The following HERC2 variants were observed in gnomAD, a reference collection of about 807,000 sequenced individuals.
The protein encoded by HERC2 is E3 ubiquitin-protein ligase HERC2.
In HERC2, 102 loss-of-function variants were observed where a neutral mutation model predicts 537.7. The ratio of observed to expected loss-of-function variants is 0.19; its 90% CI spans 0.16 to 0.22. HERC2 has a LOEUF of 0.22. HERC2 is among the 10% of genes least tolerant of loss of function. The pLI, the probability that HERC2 is intolerant of heterozygous loss-of-function variation, is 1.00. For synonymous variants in HERC2, 2,224 were observed against 2,466.2 expected, an observed-to-expected ratio of 0.90 and a Z score of 2.91; for missense variants, 4,236 against 6,198.2, an observed-to-expected ratio of 0.68 and a Z score of 10.63.
intron 35 of HERC2, among the ~76,000 whole-genome samples, 198 bp downstream of exon 35, chr15:28,228,020 G>A (rs1252010052): frequency 8.6e-5 from 13 of 151,822 alleles, no homozygotes; most frequent in Admixed American, 8.5e-4. Context: ...TCTACAACTA[G>A]ACAGTGGTGA....
rs2905939 is a variant in HERC2 at position 28,215,721 on chromosome 15, G to A, written c.6110C>T (p.Pro2037Leu). 4.7e-5 allele frequency: 75 copies of A among 1,611,976 alleles called. No homozygotes were observed. The highest frequency in any genetic ancestry group is 8.3e-5 in the Admixed American group (5 of 60,012). ...LGFVRSIALTPQVCGALSSPQ... is the reference protein window; with the variant it reads ...LGFVRSIALTLQVCGALSSPQ... ...GGAGCTGAGGGCGCCGCATACCTGCGGCGTGAGAGCGATGCTCCGCACAAA... is the reference window on the plus strand; with the variant it reads ...GGAGCTGAGGGCGCCGCATACCTGCAGCGTGAGAGCGATGCTCCGCACAAA... Residue 2037 changes from proline (P) to leucine (L), a missense_variant, in exon 39 of 93, where the codon CCG becomes CTG. Coordinates refer to ENST00000261609, the MANE Select transcript of HERC2 (RefSeq NM_004667.6).
chr15:28,262,402 A>T (rs532758900), intron 15 of HERC2, among the ~76,000 whole-genome samples: 1 of 152,286 alleles, frequency 6.6e-6, no homozygotes, highest in East Asian at 1.9e-4. Flanking sequence ...TCTTATCTAC[A>T]TACCTTGGCT....
At chr15:28,190,547 C>T (rs1055586032) in intron 55 of HERC2, 7 of 171,830 alleles carry the variant, frequency 4.1e-5, no homozygotes, top group Admixed American at 5.8e-5. Context: ...ATTGCCACTC[C>T]GTGACAAGTT....
intron 37 of HERC2, among the ~76,000 whole-genome samples, chr15:28,219,649 T>C (rs185549587): frequency 6.6e-6 from 1 of 152,190 alleles, no homozygotes; most frequent in Non-Finnish European, 1.5e-5. Context: ...CGCTATGGCA[T>C]AGCCTCTTCC....
intron 43 of HERC2, among the ~76,000 whole-genome samples, chr15:28,211,804 A>T (rs1446131945): frequency 1.3e-4 from 20 of 152,220 alleles, no homozygotes; most frequent in Non-Finnish European, 2.2e-4. Context: ...TTACATCATA[A>T]ATGCTGAAGC....
chr15:28,192,325 T>A (rs187468861), intron 52 of HERC2, among the ~76,000 whole-genome samples, 174 bp from the exon 53 acceptor site: 22 of 152,284 alleles, frequency 1.4e-4, no homozygotes, highest in Middle Eastern at 6.8e-3. Flanking sequence ...TTACACCAAT[T>A]TATGAGATGA....
intron 67 of HERC2, 78 bp downstream of exon 67, chr15:28,168,329 G>A: frequency 1.4e-6 from 2 of 1,391,046 alleles, no homozygotes; most frequent in Non-Finnish European, 2.0e-6. Flanking sequence ...TAAACTAAAT[G>A]ACACAATGAG....
At chr15:28,115,171 C>T (rs561570623) in intron 89 of HERC2, 136 of 515,210 alleles carry the variant, frequency 2.6e-4, no homozygotes, top group Middle Eastern at 2.0e-3. Context: ...CCCCAGCTGC[C>T]CAAAAGCTCA....
intron 38 of HERC2, among the ~76,000 whole-genome samples, chr15:28,216,936 A>G (rs562540872): frequency 6.6e-6 from 1 of 151,980 alleles, no homozygotes; most frequent in African/African-American, 2.4e-5. Flanking sequence ...TTACCCACAC[A>G]CTTTCTCACT....
chr15:28,117,242 G>C lies in HERC2; in HGVS notation c.13273-88C>G, dbSNP rs1225190188. ...ATATGCGGCACTGGCGAATGCACGAGGAGGAGGCACCGTGCATGGGCCCCT... is the reference window on the plus strand; with the variant it reads ...ATATGCGGCACTGGCGAATGCACGACGAGGAGGCACCGTGCATGGGCCCCT... On this transcript the variant is annotated intron_variant, in intron 86 of 92. Coordinates refer to ENST00000261609, the MANE Select transcript of HERC2 (RefSeq NM_004667.6). The C allele has an allele frequency of 2.3e-6, 3 of 1,319,162 alleles. No individual in the cohort carries two copies. The African/African-American group carries it at 4.3e-5, about 19-fold the overall frequency. The allele number at this position is 1,319,162 out of a possible 1,614,324, so 81.7% of individuals were successfully genotyped here.
Position 28,268,934 on chromosome 15 carries a change from C to G in HERC2, c.1446+314G>C, listed in dbSNP as rs754080787. Among the ~76,000 whole-genome samples the G allele has an allele frequency of 2.0e-5, 3 of 152,194 alleles. No homozygotes were observed. The highest frequency in any genetic ancestry group is 4.8e-5 in the African/African-American group (2 of 41,452). ...AAACATGCCACGTCCCAATTTGCCA[C>G]TATCCCCACGAGGCCCAACTCCCTC... On this transcript the variant is annotated intron_variant, in intron 11 of 92. Coordinates refer to ENST00000261609, the MANE Select transcript of HERC2 (RefSeq NM_004667.6). The surrounding 1 kb of genome is among the most constrained non-coding windows in gnomAD (Gnocchi z 4.7).
chr15:28,117,849 G>A (rs542991472), intron 86 of HERC2: 8 of 328,398 alleles, frequency 2.4e-5, no homozygotes, highest in African/African-American at 1.5e-4. Context: ...GGGCCCCGCC[G>A]CAGCAGGACC....
chr15:28,279,703 C>T (rs1043627547), intron 5 of HERC2, among the ~76,000 whole-genome samples: 9 of 151,964 alleles, frequency 5.9e-5, no homozygotes, highest in Non-Finnish European at 8.8e-5. Flanking sequence ...GTCCCAGCTA[C>T]TCAGGTGGCT....
chr15:28,224,590 T>C (rs1900912112), intron 35 of HERC2, among the ~76,000 whole-genome samples: 1 of 152,204 alleles, frequency 6.6e-6, no homozygotes, highest in Admixed American at 6.5e-5. Flanking sequence ...TTTTTCACTG[T>C]GACTTTGATA....
intron 52 of HERC2, among the ~76,000 whole-genome samples, chr15:28,195,342 TC>T (rs1460622849): frequency 6.6e-6 from 1 of 151,998 alleles, no homozygotes; most frequent in African/African-American, 2.4e-5. Context: ...AGGCCTGTAA[TC>T]CCAGCTACTC....
At chr15:28,309,726 AG>A (rs1176019137) in intron 2 of HERC2, among the ~76,000 whole-genome samples, 1 of 151,944 alleles carries the variant, frequency 6.6e-6, no homozygotes, top group Non-Finnish European at 1.5e-5. Flanking sequence ...CCTGAAGTAG[AG>A]GATAGAACTA....
intron 4 of HERC2, among the ~76,000 whole-genome samples, chr15:28,287,260 C>T (rs1051707190): frequency 6.6e-6 from 1 of 152,088 alleles, no homozygotes; most frequent in East Asian, 1.9e-4. Flanking sequence ...GGAATAGGAG[C>T]TATTCTAATA....
intron 2 of HERC2, among the ~76,000 whole-genome samples, chr15:28,316,380 A>T (rs1197321346): frequency 6.6e-6 from 1 of 151,936 alleles, no homozygotes; most frequent in African/African-American, 2.4e-5. Context: ...TGGCTCATAC[A>T]TGTAATCACA....
At chr15:28,301,434 C>G (rs1161065028) in intron 2 of HERC2, among the ~76,000 whole-genome samples, 3 of 151,318 alleles carry the variant, frequency 2.0e-5, no homozygotes, top group Non-Finnish European at 4.4e-5. Context: ...AAAAAAGCAG[C>G]TGTTCAAAGA....
Sources: gnomAD v4.1 joint callset for allele counts (sites outside exome capture counted in the v4.1 genomes callset) on GRCh38, gnomAD v4.1.1 for gene constraint, Gnocchi (gnomAD v3.1) non-coding constraint, MANE v1.5 for transcripts, NCBI Gene and HGNC (gene_info 2026-07-23, HGNC 2026-07-21) for gene names.